Variants in CNTNAP2 observed in about 807,000 individuals in gnomAD.
CNTNAP2 encodes the protein contactin-associated protein-like 2.
In CNTNAP2, 98 loss-of-function variants were observed where a neutral mutation model predicts 155.2. The observed-to-expected ratio is 0.63, with a 90% confidence interval of 0.54 to 0.75. The LOEUF is 0.75. Ranked by LOEUF, CNTNAP2 falls within the 30% of genes least tolerant of loss-of-function variation. The pLI is 0.00. For synonymous variants in CNTNAP2, 651 were observed against 631.2 expected (o/e 1.03, Z -0.47); for missense variants, 1,727 against 1,688.1 (o/e 1.02, Z -0.40).
intron 15 of CNTNAP2, among the ~76,000 whole-genome samples, chr7:148,002,733 T>G (rs1801918825): frequency 6.6e-6 from 1 of 152,184 alleles, no homozygotes; most frequent in African/African-American, 2.4e-5. Context: ...CGACCTAAGC[T>G]CATTCACTGG....
chr7:147,979,794 T>C (rs1801490385), intron 15 of CNTNAP2, among the ~76,000 whole-genome samples: 1 of 152,122 alleles, frequency 6.6e-6, no homozygotes, highest in Non-Finnish European at 1.5e-5. Context: ...GACTGATTTT[T>C]GCACTTTTAG....
chr7:146,540,751 C>G (rs1797941179), intron 1 of CNTNAP2, among the ~76,000 whole-genome samples: 1 of 151,940 alleles, frequency 6.6e-6, no homozygotes, highest in Non-Finnish European at 1.5e-5. Context: ...AGGGCTAGTG[C>G]CAATTAAGGG....
intron 4 of CNTNAP2, among the ~76,000 whole-genome samples, chr7:147,095,417 C>T (rs2129275048): frequency 6.6e-6 from 1 of 151,982 alleles, no homozygotes; most frequent in South Asian, 2.1e-4. Flanking sequence ...AAGGCCCCAA[C>T]TCCTAACACT....
chr7:147,509,015 A>T (rs983471008), intron 11 of CNTNAP2, among the ~76,000 whole-genome samples: 50 of 152,194 alleles, frequency 3.3e-4, no homozygotes, highest in African/African-American at 1.1e-3. Flanking sequence ...AAATATGCAT[A>T]ATCTAGTTCC....
chr7:148,326,368 T>C (rs1319447235), intron 21 of CNTNAP2, among the ~76,000 whole-genome samples: 1 of 152,174 alleles, frequency 6.6e-6, no homozygotes, highest in Non-Finnish European at 1.5e-5. Flanking sequence ...TTCCATGATC[T>C]GTCCTCTGCA....
In CNTNAP2 at chr7:147,300,254, C is replaced by T. The variant is rs1169046670; in HGVS notation, c.1462C>T (p.Leu488Phe). 1 of 1,613,780 alleles carries T rather than the reference C, an allele frequency of 6.2e-7. No individual in the cohort carries two copies. The highest frequency in any genetic ancestry group is 8.5e-7 in the Non-Finnish European group (1 of 1,179,924). Residue 488 changes from leucine (L) to phenylalanine (F), a missense_variant, in exon 9 of 24, where the codon CTT becomes TTT. By Grantham distance (22) the Leu-to-Phe change is conservative (BLOSUM62 0). Coordinates refer to ENST00000361727, the MANE Select transcript of CNTNAP2 (RefSeq NM_014141.6). ...ATCAGCAGTTCGAACTAATAGTCCC[C>T]TTCAAGTTAAAACTGGCGAGAAGTA... is the stretch of plus-strand genomic sequence containing the variant. ...EASAVRTNSP[L>F]QVKTGEKYFF...
At chr7:148,261,771 C>T (rs577289294) in intron 20 of CNTNAP2, among the ~76,000 whole-genome samples, 186 of 152,202 alleles carry the variant, frequency 1.2e-3, no homozygotes, top group Non-Finnish European at 2.2e-3. Flanking sequence ...ATGGCTGAGA[C>T]GCTAGGGTCA....
intron 15 of CNTNAP2, among the ~76,000 whole-genome samples, chr7:148,005,262 C>T (rs1801955097): frequency 6.6e-6 from 1 of 152,114 alleles, no homozygotes; most frequent in African/African-American, 2.4e-5. Context: ...CTCGTTAGGG[C>T]CCCTTTTTAT....
intron 18 of CNTNAP2, among the ~76,000 whole-genome samples, chr7:148,174,279 T>G (rs1056110412): frequency 6.6e-6 from 1 of 152,200 alleles, no homozygotes; most frequent in Non-Finnish European, 1.5e-5. Context: ...TTCAGAGGAA[T>G]CCCACAGCTG....
intron 1 of CNTNAP2, among the ~76,000 whole-genome samples, chr7:146,555,057 A>G (rs1476126755): frequency 6.6e-6 from 1 of 152,196 alleles, no homozygotes; most frequent in East Asian, 1.9e-4. Context: ...TCCTCTTACT[A>G]CAGGTTTCTT....
At chr7:147,994,781 G>A (rs1299278389) in intron 15 of CNTNAP2, among the ~76,000 whole-genome samples, 1 of 152,082 alleles carries the variant, frequency 6.6e-6, no homozygotes, top group Non-Finnish European at 1.5e-5. Context: ...ATATGAAAAT[G>A]GACTAACACA....
At chr7:148,284,588 AG>A (rs757760466) in intron 21 of CNTNAP2, among the ~76,000 whole-genome samples, 7 of 150,862 alleles carry the variant, frequency 4.6e-5, no homozygotes, top group Non-Finnish European at 7.4e-5. Flanking sequence ...AAGGCTACCC[AG>A]GTAGAGCCTG....
chr7:146,291,414 T>A (rs1800426955), intron 1 of CNTNAP2, among the ~76,000 whole-genome samples: 2 of 152,212 alleles, frequency 1.3e-5, no homozygotes, highest in African/African-American at 4.8e-5. Flanking sequence ...CACGTCTCAG[T>A]GCCTATAAAC....
intron 10 of CNTNAP2, among the ~76,000 whole-genome samples, chr7:147,421,583 A>ATCTGTG (rs1563198366): frequency 2.1e-5 from 1 of 47,142 alleles, no homozygotes; most frequent in Non-Finnish European, 3.9e-5. Flanking sequence ...TGTCTATCTA[A>ATCTGTG]TCTGTGTGTG....
chr7:147,649,745 T>C (rs1795421455), intron 13 of CNTNAP2, among the ~76,000 whole-genome samples: 1 of 152,058 alleles, frequency 6.6e-6, no homozygotes, highest in East Asian at 1.9e-4. Context: ...GAAACGGCTA[T>C]TATCCAATTC....
chr7:146,552,062 G>T (rs1798130818), intron 1 of CNTNAP2, among the ~76,000 whole-genome samples: 1 of 152,022 alleles, frequency 6.6e-6, no homozygotes, highest in South Asian at 2.1e-4. Context: ...CTCATGAAGG[G>T]TCCTATAATA....
At chr7:146,933,482 A>G (rs1174556395) in intron 3 of CNTNAP2, among the ~76,000 whole-genome samples, 4 of 151,152 alleles carry the variant, frequency 2.6e-5, no homozygotes, top group Admixed American at 2.6e-4. Flanking sequence ...AACCATAAAA[A>G]CCCTAGAAGA....
chr7:147,231,490 G>C (rs1195067962), intron 8 of CNTNAP2, among the ~76,000 whole-genome samples: 1 of 152,170 alleles, frequency 6.6e-6, no homozygotes, highest in Non-Finnish European at 1.5e-5. Flanking sequence ...TCTATTTTAA[G>C]GTTTTTGAGG....
chr7:146,137,019 T>G (rs1352168971), intron 1 of CNTNAP2, among the ~76,000 whole-genome samples: 7 of 152,112 alleles, frequency 4.6e-5, no homozygotes, highest in Non-Finnish European at 4.4e-5. Flanking sequence ...AAACGAACTG[T>G]TAAAATTTGA....
Sources: allele counts gnomAD v4.1 joint callset (sites outside exome capture counted in the v4.1 genomes callset), GRCh38; gene constraint gnomAD v4.1.1; transcripts MANE v1.5; gene names NCBI Gene and HGNC (gene_info 2026-07-23, HGNC 2026-07-21).